Variants in OVOL1 observed in about 807,000 individuals in gnomAD.
OVOL1 encodes the protein putative transcription factor Ovo-like 1.
OVOL1 carries 10 observed loss-of-function variants against 21.5 expected under a neutral mutation model. The observed-to-expected ratio is 0.46, with a 90% CI of 0.29 to 0.79. OVOL1 has a LOEUF of 0.79. OVOL1 is among the 30% of genes least tolerant of loss of function. The pLI is 0.10. For missense variants in OVOL1, 279 were observed against 362.3 expected (o/e 0.77, Z 1.87); for synonymous variants, 129 against 150.3 (o/e 0.86, Z 1.03).
At position 65,794,743 on chromosome 11, in the gene OVOL1, C is replaced by A. The variant is rs201630903; in HGVS notation, c.508+16C>A. 2 of 1,610,894 alleles carry A rather than the reference C, an allele frequency of 1.2e-6. No homozygotes were observed. Among genetic ancestry groups the A allele is most frequent in the South Asian group, 2.2e-5 (2 of 91,056 alleles). ...ACTCACACTGGTAAGTGGAAGCCCA[C>A]GGCTGGGAGGAGCACGCCGGATCCG... On this transcript the variant is annotated intron_variant, in intron 3 of 3. Coordinates refer to ENST00000335987, the MANE Select transcript of OVOL1 (RefSeq NM_004561.4).
chr11:65,795,777 A>G lies in OVOL1; in HGVS notation c.*436A>G, dbSNP rs1858120281. The G allele has an allele frequency of 4.9e-6, 1 of 203,740 alleles. No individual in the cohort carries two copies. Among genetic ancestry groups the G allele is most frequent in the African/African-American group, 2.3e-5 (1 of 44,118 alleles). The allele number at this position is 203,740 out of a possible 1,614,324, so 12.6% of individuals were successfully genotyped here. A position where few individuals can be genotyped will look rare whatever the true frequency, so the allele number is the denominator to read the frequency against. On this transcript the variant is annotated 3_prime_UTR_variant, in exon 4 of 4. Coordinates refer to ENST00000335987, the MANE Select transcript of OVOL1 (RefSeq NM_004561.4). This position sits in a 1 kb window ranked among gnomAD's most constrained non-coding sequence, Gnocchi z 5.7. ...GACATCAGAGTCAAAAGCACTGGCA[A>G]AGGGTACCCCTGCAAACAACTGTGG...
At chr11:65,788,784 A>C in intron 1 of OVOL1, 1 of 985,390 alleles carries the variant, frequency 1.0e-6, no homozygotes, top group Non-Finnish European at 1.2e-6. Flanking sequence ...GACCCTGGTA[A>C]CCCCAGTGGG....
In OVOL1 at chr11:65,796,032, A is replaced by T. The variant is rs496388; in HGVS notation, c.*691A>T. ...TGCCAAGAAGGTTTTATTTCCTTTT[A>T]TTTTTTAAAGATGACAAATGTACAG... On this transcript the variant is annotated 3_prime_UTR_variant, in exon 4 of 4. Coordinates refer to ENST00000335987, the MANE Select transcript of OVOL1 (RefSeq NM_004561.4). 46,417 of 129,584 alleles carry T rather than the reference A, an allele frequency of 0.36. 7,162 individuals carry two copies. The highest frequency in any genetic ancestry group is 0.42 in the South Asian group (1,319 of 3,136). 8.0% of individuals were successfully genotyped at this position (129,584 alleles called of 1,614,324 possible). A position where few individuals can be genotyped will look rare whatever the true frequency, so the allele number is the denominator to read the frequency against.
rs1857946828 is a variant in OVOL1 at position 65,788,438 on chromosome 11, C to A, written c.100+965C>A. 8 of 983,700 alleles carry A rather than the reference C, an allele frequency of 8.1e-6. No individual in the cohort carries two copies. In the South Asian group the frequency reaches 3.3e-4, roughly 40 times the overall value. 60.9% of individuals were successfully genotyped at this position (983,700 alleles called of 1,614,324 possible). On this transcript the variant is annotated intron_variant, in intron 1 of 3. Transcript: ENST00000335987. The stretch of plus-strand genomic sequence containing the variant: ...CCCTCCCCAGGCCTTGGGGGCGGGG[C>A]GTGGACGCTCTGAACGCCCAGCCCA...
At position 65,788,023 on chromosome 11, in the gene OVOL1, C is replaced by T. The variant is rs530760085; in HGVS notation, c.100+550C>T. On this transcript the variant is annotated intron_variant, in intron 1 of 3. Coordinates refer to ENST00000335987, the MANE Select transcript of OVOL1 (RefSeq NM_004561.4). ...GGGTCGGGCCGGTGGGGGGCGTGGG[C>T]CCCCAAATTTTCGTTGGGCTCCGGC... Among the ~76,000 whole-genome samples the T allele has an allele frequency of 1.5e-3, 233 of 152,268 alleles. 1 individual carries two copies. Among genetic ancestry groups the T allele is most frequent in the African/African-American group, 5.2e-3 (216 of 41,562 alleles).
chr11:65,794,540 G>A lies in OVOL1; in HGVS notation c.321G>A (p.Val107=), dbSNP rs145208288. Residue 107 remains valine, a splice_region_variant and synonymous_variant, in exon 3 of 4, where the codon GTG becomes GTA. Coordinates refer to ENST00000335987, the MANE Select transcript of OVOL1 (RefSeq NM_004561.4). The part of the protein sequence containing the change: ...DHGFLRTKMK[V]TLGDSPSGDL... ...AGCAATGCCGTCCTCACCCACAGGT[G>A]ACCCTTGGGGACAGTCCCAGTGGAG... 3.2e-5 allele frequency: 52 copies of A among 1,612,028 alleles called. No homozygotes were observed. The highest frequency in any genetic ancestry group is 5.3e-5 in the African/African-American group (4 of 74,908).
rs199969859 is a variant in OVOL1, at chr11:65,788,998, GA to G, written c.100+1526del. ...CCGCCCTCCACCCTCACCTGTGTTTGACTTGCTGCTTAGCTGCTCCTTGGGA... is the reference window on the plus strand; with the variant it reads ...CCGCCCTCCACCCTCACCTGTGTTTGCTTGCTGCTTAGCTGCTCCTTGGGA... On this transcript the variant is annotated intron_variant, in intron 1 of 3. Coordinates refer to ENST00000335987, the MANE Select transcript of OVOL1 (RefSeq NM_004561.4). 3,902 of 985,674 alleles carry G rather than the reference GA, an allele frequency of 4.0e-3. 122 individuals carry two copies. In the African/African-American group the frequency reaches 0.06, roughly 15 times the overall value. The allele number at this position is 985,674 out of a possible 1,614,324, so 61.1% of individuals were successfully genotyped here.
chr11:65,788,340 C>T (rs1857944709), intron 1 of OVOL1: 1 of 361,694 alleles, frequency 2.8e-6, no homozygotes, highest in Non-Finnish European at 3.9e-6. Flanking sequence ...CAAGAACACT[C>T]CTACCCCTTC....
intron 1 of OVOL1, among the ~76,000 whole-genome samples, chr11:65,788,046 G>A (rs1363141731): frequency 6.6e-6 from 1 of 152,196 alleles, no homozygotes; most frequent in Non-Finnish European, 1.5e-5. Flanking sequence ...GTTGGGCTCC[G>A]GCTGCTAGTC....
chr11:65,788,609 T>C (rs567265955), intron 1 of OVOL1: 868 of 985,424 alleles, frequency 8.8e-4, no homozygotes, highest in Non-Finnish European at 9.8e-4. Flanking sequence ...CTTGCTCAGT[T>C]TCCCTCCTGA....
intron 1 of OVOL1, among the ~76,000 whole-genome samples, chr11:65,791,030 T>A (rs1858005897): frequency 6.6e-6 from 1 of 152,274 alleles, no homozygotes; most frequent in East Asian, 1.9e-4. Context: ...GAAGCACTGC[T>A]CCCACTGTTC....
rs758286352 is a variant in OVOL1 at position 65,795,041 on chromosome 11, C to A, written c.509-5C>A. On this transcript the variant is annotated splice_region_variant and splice_polypyrimidine_tract_variant and intron_variant, in intron 3 of 3. Transcript: ENST00000335987. This position sits in a 1 kb window ranked among gnomAD's most constrained non-coding sequence, Gnocchi z 5.7. ...CTCTGATGCTGGCCCCTGTCCTCCC[C>A]ACAGGCGTGCGGCCCTACAAGTGCA... 2.5e-6 allele frequency: 4 copies of A among 1,611,340 alleles called. No homozygotes were observed. Among genetic ancestry groups the A allele is most frequent in the Middle Eastern group, 3.3e-4 (2 of 6,060 alleles).
chr11:65,788,539 C>G, intron 1 of OVOL1: 1 of 985,396 alleles, frequency 1.0e-6, no homozygotes, highest in Non-Finnish European at 1.2e-6. Flanking sequence ...CCTGGCACCG[C>G]CCCAGGCCTT....
chr11:65,795,159 C>G lies in OVOL1; in HGVS notation c.622C>G (p.Arg208Gly). 1.9e-6 allele frequency: 3 copies of G among 1,613,248 alleles called. No individual in the cohort carries two copies. The highest frequency in any genetic ancestry group is 2.5e-6 in the Non-Finnish European group (3 of 1,179,996). Residue 208 changes from arginine to glycine, a missense_variant, in exon 4 of 4, where the codon CGG (arginine) becomes GGG (glycine). Transcript: ENST00000335987. The surrounding 1 kb of genome is among the most constrained non-coding windows in gnomAD (Gnocchi z 5.7). The stretch of plus-strand genomic sequence containing the variant: ...GCAGCAGAAGTACGCGTACAAGGAG[C>G]GGCGGGCCAAGCTGTACGTGTGTGA... ...GVQQKYAYKERRAKLYVCEEC... is the reference protein window; with the variant it reads ...GVQQKYAYKEGRAKLYVCEEC...
rs1226518305 is a variant in OVOL1, at chr11:65,794,935, C to T, written c.509-111C>T. The T allele has an allele frequency of 7.7e-6, 9 of 1,165,950 alleles. No homozygotes were observed. The East Asian group carries it at 2.3e-4, about 30-fold the overall frequency. 72.2% of individuals were successfully genotyped at this position (1,165,950 alleles called of 1,614,324 possible). ...AAGTTGGTGTTGGACAGGCCTCCGT[C>T]CATCCCTTGGCCCTAGAGGCAGGGG... On this transcript the variant is annotated intron_variant, in intron 3 of 3. Transcript: ENST00000335987.
In OVOL1 at chr11:65,787,216, C is replaced by G; in HGVS notation, c.-158C>G. On this transcript the variant is annotated 5_prime_UTR_variant, in exon 1 of 4. Transcript: ENST00000335987. ...TCCGCGGAGGTGGAACCGCCGCGCG[C>G]CGTCCGGGCTCGGACCTTCCCCGGA... The G allele has an allele frequency of 1.9e-6, 1 of 515,298 alleles. No individual in the cohort carries two copies. 31.9% of individuals were successfully genotyped at this position (515,298 alleles called of 1,614,324 possible). A position where few individuals can be genotyped will look rare whatever the true frequency, so the allele number is the denominator to read the frequency against.
chr11:65,788,850 G>A, intron 1 of OVOL1: 1 of 985,494 alleles, frequency 1.0e-6, no homozygotes, highest in Non-Finnish European at 1.2e-6. Flanking sequence ...AGATTAGGGT[G>A]TGGGCTCAGA....
chr11:65,787,782 G>T (rs1001833519), intron 1 of OVOL1, among the ~76,000 whole-genome samples: 1 of 152,166 alleles, frequency 6.6e-6, no homozygotes, highest in African/African-American at 2.4e-5. Flanking sequence ...GAGGCAGCGG[G>T]GTGTGTCACC....
intron 1 of OVOL1, chr11:65,789,016 T>C: frequency 2.0e-6 from 2 of 985,578 alleles, no homozygotes; most frequent in Non-Finnish European, 2.4e-6. Flanking sequence ...GCTTAGCTGC[T>C]CCTTGGGATC....
Sources: allele counts gnomAD v4.1 joint callset (sites outside exome capture counted in the v4.1 genomes callset), GRCh38; gene constraint gnomAD v4.1.1; non-coding constraint Gnocchi (gnomAD v3.1); transcripts MANE v1.5; gene names NCBI Gene and HGNC (gene_info 2026-07-23, HGNC 2026-07-21).